Variants in SUB1 observed in about 807,000 individuals in gnomAD.
The protein encoded by SUB1 is activated RNA polymerase II transcriptional coactivator p15.
Under a neutral mutation model 16.9 loss-of-function variants are expected in SUB1, and 1 was observed. The observed-to-expected ratio is 0.06, with a 90% CI of 0.02 to 0.28. The LOEUF (loss-of-function observed/expected upper bound fraction) is 0.28, where lower values mean the gene tolerates loss of function less well. SUB1 is among the 10% of genes least tolerant of loss of function. The probability of loss-of-function intolerance (pLI) is 1.00; values close to 1 mark genes in which losing one functional copy is unlikely to be tolerated. For synonymous variants in SUB1, 51 were observed against 46.9 expected (o/e 1.09, Z -0.36); for missense variants, 84 against 145.2 (o/e 0.58, Z 2.16).
At position 32,588,555 on chromosome 5, in the gene SUB1, A is replaced by G; in HGVS notation, c.43A>G (p.Ser15Gly). 1 of 1,613,426 alleles carries G rather than the reference A, an allele frequency of 6.2e-7. No individual in the cohort carries two copies. Residue 15 changes from serine to glycine, a missense_variant, in exon 2 of 5, where the codon AGT becomes GGT. Transcript: ENST00000265073. ...ACTTGTTTCTTCAAGCTCTTCTGGCAGTGATTCTGACAGTGAGGTTGACAA... is the reference window on the plus strand; with the variant it reads ...ACTTGTTTCTTCAAGCTCTTCTGGCGGTGATTCTGACAGTGAGGTTGACAA... ...KELVSSSSSG[S>G]DSDSEVDKKL...
At chr5:32,598,418 G>T (rs1476396436) in intron 3 of SUB1, 2 of 152,452 alleles carry the variant, frequency 1.3e-5, no homozygotes, top group Admixed American at 6.5e-5. Flanking sequence ...CTGCTCAGCA[G>T]AGATGATTAG....
intron 3 of SUB1, chr5:32,595,193 T>TAAAA (rs11441009): frequency 2.2e-5 from 3 of 136,014 alleles, no homozygotes; most frequent in African/African-American, 7.5e-5. Context: ...CTTTTTTTTT[T>TAAAA]AAAAAAAAAA....
intron 3 of SUB1, chr5:32,597,599 T>C (rs1330901037): frequency 3.3e-5 from 5 of 152,218 alleles, no homozygotes; most frequent in Non-Finnish European, 5.9e-5. Context: ...CTGGATCATA[T>C]GATAGTTTAA....
intron 3 of SUB1, chr5:32,596,070 T>C (rs1204048999): frequency 3.3e-5 from 5 of 152,238 alleles, no homozygotes; most frequent in African/African-American, 4.8e-5. Context: ...AGGGAAACTT[T>C]AGTTTTCAAA....
At chr5:32,586,941 A>G (rs1738686726) in intron 1 of SUB1, among the ~76,000 whole-genome samples, 2 of 152,342 alleles carry the variant, frequency 1.3e-5, no homozygotes, top group South Asian at 2.1e-4. Flanking sequence ...TTTGGAACAT[A>G]TGCAATGTCA....
chr5:32,595,913 A>C (rs550058929), intron 3 of SUB1: 5 of 152,046 alleles, frequency 3.3e-5, no homozygotes, highest in Non-Finnish European at 7.4e-5. Flanking sequence ...GTCTTAATTC[A>C]TTGTACATCT....
chr5:32,588,167 ATTG>A (rs1395677978), intron 1 of SUB1, among the ~76,000 whole-genome samples: 2 of 152,102 alleles, frequency 1.3e-5, no homozygotes, highest in Non-Finnish European at 2.9e-5. Flanking sequence ...TTTAATAGTA[ATTG>A]TTGTCTGCTG....
At chr5:32,588,893 A>G (rs1490070529) in intron 2 of SUB1, among the ~76,000 whole-genome samples, 1 of 152,166 alleles carries the variant, frequency 6.6e-6, no homozygotes, top group African/African-American at 2.4e-5. Context: ...CCACTTGACT[A>G]GAAGTGCCTA....
At position 32,585,576 on chromosome 5, in the gene SUB1, T is replaced by C. The variant is rs2111643797; in HGVS notation, c.-51T>C. 6.6e-6 allele frequency: 1 copy of C among 152,340 alleles called. No individual in the cohort carries two copies. The allele number at this position is 152,340 out of a possible 1,614,324, so 9.4% of individuals were successfully genotyped here. ...GCCGTCACTTCCGGTTCTCTGTCAG[T>C]CGCGAGCGAACGACCAAGAGGGTGT... On this transcript the variant is annotated 5_prime_UTR_variant, in exon 1 of 5. Transcript: ENST00000265073.
intron 2 of SUB1, 138 bp downstream of exon 2, chr5:32,588,722 A>T (rs1738738434): frequency 2.5e-6 from 2 of 790,766 alleles, no homozygotes; most frequent in East Asian, 3.0e-5. Flanking sequence ...CTGTTATCCT[A>T]CTTCTTTGGG....
chr5:32,590,831 G>A (rs1360352989), intron 2 of SUB1, among the ~76,000 whole-genome samples: 2 of 136,968 alleles, frequency 1.5e-5, no homozygotes, highest in African/African-American at 5.6e-5. Flanking sequence ...GCAATGGCAC[G>A]ATCTCGGCTC....
intron 3 of SUB1, chr5:32,598,682 CTT>C (rs1739040296): frequency 1.7e-5 from 4 of 241,826 alleles, no homozygotes; most frequent in Non-Finnish European, 3.1e-5. Context: ...ACATACCTAA[CTT>C]TTTCTTAATG....
At position 32,589,203 on chromosome 5, in the gene SUB1, C is replaced by G. The variant is rs147696263; in HGVS notation, c.72+619C>G. ...TCCTGGTCTCAAGCAGTCCTCCCAC[C>G]TCTGCCTCCAGAGTAGCTGGGACTA... On this transcript the variant is annotated intron_variant, in intron 2 of 4. Coordinates refer to ENST00000265073, the MANE Select transcript of SUB1 (RefSeq NM_006713.4). 5.1e-4 allele frequency among the ~76,000 whole-genome samples: 78 copies of G among 152,172 alleles called. 2 individuals carry two copies. In the East Asian group the frequency reaches 0.013, roughly 26 times the overall value.
chr5:32,594,463 A>G (rs577127893), intron 3 of SUB1: 2 of 325,460 alleles, frequency 6.1e-6, no homozygotes, highest in South Asian at 4.8e-5. Context: ...AGGATACTTG[A>G]TACTTTTAAA....
rs1339152121 is a variant in SUB1, at chr5:32,602,947, G to A, written c.*1863G>A. The A allele has an allele frequency of 2.0e-5, 3 of 152,112 alleles. No individual in the cohort carries two copies. The highest frequency in any genetic ancestry group is 4.4e-5 in the Non-Finnish European group (3 of 67,986). 9.4% of individuals were successfully genotyped at this position (152,112 alleles called of 1,614,324 possible). On this transcript the variant is annotated 3_prime_UTR_variant, in exon 5 of 5. Coordinates refer to ENST00000265073, the MANE Select transcript of SUB1 (RefSeq NM_006713.4). Reference sequence around the variant, plus strand: ...TTATTTTTGGCACACGGAAAGGGTAGTTCGAGTACAGAACTTTGATTTTTG... The same window carrying A: ...TTATTTTTGGCACACGGAAAGGGTAATTCGAGTACAGAACTTTGATTTTTG...
rs1738825304 is a variant in SUB1, at chr5:32,591,561, A to G, written c.73-2A>G. 6.3e-7 allele frequency: 1 copy of G among 1,592,078 alleles called. No individual in the cohort carries two copies. The highest frequency in any genetic ancestry group is 1.4e-5 in the African/African-American group (1 of 73,150). ...GCAAATTTTAACCATATTCTTTTCT[A>G]GTTAAAGAGGAAAAAGCAAGTTGCT... is the stretch of plus-strand genomic sequence containing the variant. On this transcript the variant is annotated splice_acceptor_variant, in intron 2 of 4. Coordinates refer to ENST00000265073, the MANE Select transcript of SUB1 (RefSeq NM_006713.4). LOFTEE classifies it high-confidence loss of function.
At chr5:32,588,620 T>G in intron 2 of SUB1, 36 bp downstream of exon 2, 1 of 1,588,252 alleles carries the variant, frequency 6.3e-7, no homozygotes, top group East Asian at 2.2e-5. Context: ...TTGGTGATAC[T>G]CAACAATATT....
intron 3 of SUB1, among the ~76,000 whole-genome samples, chr5:32,591,958 A>G (rs1191474039): frequency 1.3e-5 from 2 of 152,174 alleles, no homozygotes; most frequent in African/African-American, 2.4e-5. Context: ...TCAGCCTCCA[A>G]AAGTGCTGGG....
chr5:32,586,743 A>G (rs980445434), intron 1 of SUB1, among the ~76,000 whole-genome samples: 1 of 152,236 alleles, frequency 6.6e-6, no homozygotes, highest in African/African-American at 2.4e-5. Context: ...AAACTTAACT[A>G]AATTGATTTT....
Sources: gnomAD v4.1 joint callset for allele counts (sites outside exome capture counted in the v4.1 genomes callset) on GRCh38, gnomAD v4.1.1 for gene constraint, MANE v1.5 for transcripts, NCBI Gene and HGNC (gene_info 2026-07-23, HGNC 2026-07-21) for gene names.